The following DCLK1 variants were observed in gnomAD, a reference collection of about 807,000 sequenced individuals.
DCLK1 encodes the protein serine/threonine-protein kinase DCLK1.
A neutral mutation model predicts 86.2 loss-of-function variants in DCLK1; 16 were observed. The ratio of observed to expected loss-of-function variants is 0.19; its 90% CI spans 0.13 to 0.28. The LOEUF (loss-of-function observed/expected upper bound fraction) is 0.28. DCLK1 is among the 10% of genes least tolerant of loss of function. The probability of loss-of-function intolerance (pLI) is 1.00; values close to 1 mark genes in which losing one functional copy is unlikely to be tolerated. For missense variants in DCLK1, 590 were observed against 940.2 expected (o/e 0.63, Z 4.87); for synonymous variants, 369 against 370.5 (o/e 1.00, Z 0.05).
chr13:35,939,904 G>A (rs1593751483), intron 4 of DCLK1, among the ~76,000 whole-genome samples: 1 of 152,114 alleles, frequency 6.6e-6, no homozygotes, highest in Non-Finnish European at 1.5e-5. Context: ...ACCACAGTAT[G>A]TTTCGTAAGA....
chr13:36,122,566 C>A (rs575367020), intron 2 of DCLK1, among the ~76,000 whole-genome samples: 1 of 152,218 alleles, frequency 6.6e-6, no homozygotes, highest in Admixed American at 6.5e-5. Flanking sequence ...AAATGTGACA[C>A]CTTTATTTAT....
intron 3 of DCLK1, among the ~76,000 whole-genome samples, chr13:36,030,161 T>C (rs950989249): frequency 6.6e-6 from 1 of 152,194 alleles, no homozygotes; most frequent in African/African-American, 2.4e-5. Context: ...AATCACCAGA[T>C]TGTTTCATTA....
At chr13:36,033,361 G>A (rs891258749) in intron 3 of DCLK1, among the ~76,000 whole-genome samples, 1 of 152,148 alleles carries the variant, frequency 6.6e-6, no homozygotes, top group Non-Finnish European at 1.5e-5. Flanking sequence ...ATAAAGTAGT[G>A]ATAATACTTT....
At chr13:35,971,904 G>A (rs990240711) in intron 3 of DCLK1, among the ~76,000 whole-genome samples, 3 of 152,152 alleles carry the variant, frequency 2.0e-5, no homozygotes, top group Non-Finnish European at 4.4e-5. Flanking sequence ...ACAAGGACAG[G>A]GAGCAAGTTA....
intron 3 of DCLK1, among the ~76,000 whole-genome samples, chr13:35,992,787 C>A (rs1880294358): frequency 6.6e-6 from 1 of 152,104 alleles, no homozygotes; most frequent in Non-Finnish European, 1.5e-5. Context: ...ATTTTATGAT[C>A]ACTCTATTTC....
chr13:35,935,135 A>G (rs1206501055), intron 4 of DCLK1, among the ~76,000 whole-genome samples: 1 of 152,206 alleles, frequency 6.6e-6, no homozygotes. Context: ...GAGCAAAAGC[A>G]GATATTTCAA....
intron 16 of DCLK1, among the ~76,000 whole-genome samples, chr13:35,789,820 C>A (rs1486487369): frequency 1.3e-5 from 2 of 152,090 alleles, no homozygotes; most frequent in Non-Finnish European, 2.9e-5. Context: ...GTTAAAATGT[C>A]ATCTCTAATT....
intron 4 of DCLK1, among the ~76,000 whole-genome samples, chr13:35,919,162 G>A (rs1348468103): frequency 6.6e-6 from 1 of 151,990 alleles, no homozygotes; most frequent in Non-Finnish European, 1.5e-5. Flanking sequence ...AAAGTGCTGG[G>A]ATTACAGCCA....
Position 36,122,638 on chromosome 13 carries a change from C to T in DCLK1, c.376+3124G>A, listed in dbSNP as rs942384010. On this transcript the variant is annotated intron_variant, in intron 2 of 16. Coordinates refer to ENST00000360631, the MANE Select transcript of DCLK1 (RefSeq NM_001330071.2). ...TGGTGCAAAATTGGGGGAAATGAGG[C>T]CAAGTCTCAAGATGAATCACTTGCG... 2.0e-5 allele frequency among the ~76,000 whole-genome samples: 3 copies of T among 152,084 alleles called. No homozygotes were observed. In the South Asian group the frequency reaches 6.2e-4, roughly 32 times the overall value.
intron 5 of DCLK1, among the ~76,000 whole-genome samples, chr13:35,855,326 C>T (rs1004231968): frequency 1.3e-5 from 2 of 152,214 alleles, no homozygotes; most frequent in African/African-American, 4.8e-5. Context: ...TCATCTCTAA[C>T]AACAGATGAA....
chr13:35,842,185 C>A (rs1404621082), intron 6 of DCLK1, among the ~76,000 whole-genome samples: 1 of 136,086 alleles, frequency 7.3e-6, no homozygotes, highest in Non-Finnish European at 1.5e-5. Flanking sequence ...GCCGAGATCG[C>A]GCCACTGCAC....
intron 6 of DCLK1, chr13:35,847,218 A>G: frequency 1.0e-6 from 1 of 984,696 alleles, no homozygotes; most frequent in Non-Finnish European, 1.2e-6. Context: ...TTTATAAATC[A>G]GTATATCTGA....
chr13:35,902,286 A>C lies in DCLK1; in HGVS notation c.824-30946T>G, dbSNP rs144559889. On this transcript the variant is annotated intron_variant, in intron 4 of 16. Transcript: ENST00000360631. Reference sequence around the variant, plus strand: ...AATCCAAGGCTTCAATCATGACACCAGTTGCCACAAATCTGTGGCATATAT... The same window carrying C: ...AATCCAAGGCTTCAATCATGACACCCGTTGCCACAAATCTGTGGCATATAT... 6.1e-3 allele frequency among the ~76,000 whole-genome samples: 934 copies of C among 152,344 alleles called. 13 individuals are homozygous for C. Among genetic ancestry groups the C allele is most frequent in the Non-Finnish European group, 8.8e-3 (602 of 68,038 alleles).
chr13:36,060,706 G>A (rs1883512105), intron 3 of DCLK1, among the ~76,000 whole-genome samples: 3 of 151,980 alleles, frequency 2.0e-5, no homozygotes, highest in African/African-American at 7.3e-5. Flanking sequence ...AAAGATGTCT[G>A]GTTAAAAACC....
intron 6 of DCLK1, chr13:35,846,728 C>A (rs1207175467): frequency 1.0e-6 from 1 of 985,126 alleles, no homozygotes; most frequent in Non-Finnish European, 1.2e-6. Context: ...CACTAACATG[C>A]ACAAATAGAG....
chr13:36,127,457 T>C (rs1886226538), intron 1 of DCLK1, among the ~76,000 whole-genome samples: 1 of 152,204 alleles, frequency 6.6e-6, no homozygotes, highest in South Asian at 2.1e-4. Flanking sequence ...ATGCTAGCTG[T>C]GTAAGCTTGA....
intron 5 of DCLK1, among the ~76,000 whole-genome samples, chr13:35,863,302 G>T (rs1177808898): frequency 1.3e-5 from 2 of 152,182 alleles, no homozygotes; most frequent in Non-Finnish European, 2.9e-5. Context: ...CAAGGACTGT[G>T]GTTTAATCAT....
chr13:35,797,508 G>C (rs1299515176), intron 15 of DCLK1, among the ~76,000 whole-genome samples: 1 of 152,152 alleles, frequency 6.6e-6, no homozygotes, highest in Non-Finnish European at 1.5e-5. Flanking sequence ...GTGAAGGTTT[G>C]AGCTTCCCTT....
Position 35,855,816 on chromosome 13 carries a change from G to A in DCLK1, c.941-1223C>T, listed in dbSNP as rs1206759881. Reference sequence around the variant, plus strand: ...CCCCATCCCGACACCACTCCCTTCCGGAAGCCCCAGTGCTGTCAGTACTTT... The same window carrying A: ...CCCCATCCCGACACCACTCCCTTCCAGAAGCCCCAGTGCTGTCAGTACTTT... On this transcript the variant is annotated intron_variant, in intron 5 of 16. Transcript: ENST00000360631. The A allele has an allele frequency of 1.2e-5, 15 of 1,247,218 alleles. No homozygotes were observed. In the East Asian group the frequency reaches 3.2e-4, roughly 27 times the overall value. The allele number at this position is 1,247,218 out of a possible 1,614,324, so 77.3% of individuals were successfully genotyped here.
Sources: gnomAD v4.1 joint callset for allele counts (sites outside exome capture counted in the v4.1 genomes callset) on GRCh38, gnomAD v4.1.1 for gene constraint, MANE v1.5 for transcripts, NCBI Gene and HGNC (gene_info 2026-07-23, HGNC 2026-07-21) for gene names.